Variants in TGFBR1 observed in about 807,000 individuals in gnomAD.
TGFBR1 encodes transforming growth factor beta receptor 1.
In TGFBR1, 20 loss-of-function variants were observed where a neutral mutation model predicts 55.1. The observed-to-expected ratio is 0.36, with a 90% CI of 0.26 to 0.53. The LOEUF (loss-of-function observed/expected upper bound fraction) is 0.53. Ranked by LOEUF, TGFBR1 falls within the 20% of genes least tolerant of loss-of-function variation. The pLI is 0.91. For missense variants in TGFBR1, 385 were observed against 617.6 expected (o/e 0.62, Z 3.99); for synonymous variants, 220 against 214.8 (o/e 1.02, Z -0.21).
chr9:99,103,845 T>G (rs916790064), upstream of TGFBR1, among the ~76,000 whole-genome samples: 4 of 152,176 alleles, frequency 2.6e-5, no homozygotes, highest in Non-Finnish European at 4.4e-5. Context: ...CCTTCACAGG[T>G]GGGGAAAATG....
rs1489913293 is a variant in TGFBR1, at chr9:99,124,844, T to A, written c.98-4011T>A. 2.0e-5 allele frequency among the ~76,000 whole-genome samples: 3 copies of A among 152,140 alleles called. No homozygotes were observed. In the East Asian group the frequency reaches 5.8e-4, roughly 29 times the overall value. The stretch of plus-strand genomic sequence containing the variant: ...TTAAGAAAAACCCTTTAGTACTGAC[T>A]TTTTCAAATTTACCGTAATGTAATG... On this transcript the variant is annotated intron_variant, in intron 1 of 8. Transcript: ENST00000374994.
upstream of TGFBR1, among the ~76,000 whole-genome samples, chr9:99,104,554 T>A (rs979988988): frequency 2.0e-5 from 3 of 152,012 alleles, no homozygotes; most frequent in African/African-American, 4.8e-5. Flanking sequence ...AGGAGGGATC[T>A]TCGGGGGAAT....
rs334348 is a variant in TGFBR1 at position 99,150,189 on chromosome 9, A to G, written c.*884A>G. On this transcript the variant is annotated 3_prime_UTR_variant, in exon 9 of 9. Coordinates refer to ENST00000374994, the MANE Select transcript of TGFBR1 (RefSeq NM_004612.4). Reference sequence around the variant, plus strand: ...ATGAAGTGGCATTAATTAGTAAATTATTAGCATGGTCATGTTTGAATATTC... The same window carrying G: ...ATGAAGTGGCATTAATTAGTAAATTGTTAGCATGGTCATGTTTGAATATTC... The G allele has an allele frequency of 0.29, 55,299 of 189,906 alleles. 8,573 individuals are homozygous for G. Among genetic ancestry groups the G allele is most frequent in the East Asian group, 0.51 (6,069 of 11,848 alleles). The allele number at this position is 189,906 out of a possible 1,614,324, so 11.8% of individuals were successfully genotyped here.
intron 1 of TGFBR1, among the ~76,000 whole-genome samples, chr9:99,115,187 C>T (rs138886115): frequency 6.6e-6 from 1 of 152,044 alleles, no homozygotes; most frequent in African/African-American, 2.4e-5. Context: ...TAAGGATTCA[C>T]TTTTCCTTTT....
At chr9:99,149,080 G>T in intron 8 of TGFBR1, 100 bp from the exon 9 acceptor site, 1 of 1,220,770 alleles carries the variant, frequency 8.2e-7, no homozygotes, top group South Asian at 1.3e-5. Context: ...AATAACAAGT[G>T]TATATGTCAT....
chr9:99,109,843 A>G (rs1003643077), intron 1 of TGFBR1, among the ~76,000 whole-genome samples: 2 of 152,228 alleles, frequency 1.3e-5, no homozygotes, highest in Non-Finnish European at 2.9e-5. Context: ...GCTTTGTCCC[A>G]TAGAACTAGC....
rs201142879 is a variant in TGFBR1, at chr9:99,149,775, A to G, written c.*470A>G. On this transcript the variant is annotated 3_prime_UTR_variant, in exon 9 of 9. Coordinates refer to ENST00000374994, the MANE Select transcript of TGFBR1 (RefSeq NM_004612.4). ...ATTCAGACTTTGAATGTACTGTTCT[A>G]TAGTTTTTCAGGATCTTAAAACTAA... 2.1e-5 allele frequency: 5 copies of G among 234,958 alleles called. No individual in the cohort carries two copies. Among genetic ancestry groups the G allele is most frequent in the South Asian group, 2.8e-4 (2 of 7,154 alleles). 14.6% of individuals were successfully genotyped at this position (234,958 alleles called of 1,614,324 possible).
intron 1 of TGFBR1, among the ~76,000 whole-genome samples, chr9:99,114,442 C>CT (rs1826674264): frequency 6.6e-6 from 1 of 152,178 alleles, no homozygotes; most frequent in Non-Finnish European, 1.5e-5. Flanking sequence ...GCCCCAAATG[C>CT]CAAGATTGTC....
intron 1 of TGFBR1, among the ~76,000 whole-genome samples, chr9:99,119,347 G>A (rs1486228630): frequency 1.3e-5 from 2 of 151,990 alleles, no homozygotes; most frequent in African/African-American, 2.4e-5. Context: ...TTTCATTTAC[G>A]TTCATTATTA....
rs200238696 is a variant in TGFBR1 at position 99,152,151 on chromosome 9, A to G, written c.*2846A>G. 11 of 206,970 alleles carry G rather than the reference A, an allele frequency of 5.3e-5. No homozygotes were observed. In the Admixed American group the frequency reaches 5.3e-4, roughly 10 times the overall value. The allele number at this position is 206,970 out of a possible 1,614,324, so 12.8% of individuals were successfully genotyped here. A position where few individuals can be genotyped will look rare whatever the true frequency, so the allele number is the denominator to read the frequency against. On this transcript the variant is annotated 3_prime_UTR_variant, in exon 9 of 9. Transcript: ENST00000374994. ...TGACTGAAGGCTGCTCTGGAGACCT[A>G]GAGTAAAACGGCTGATGGAAGTTGT...
intron 1 of TGFBR1, among the ~76,000 whole-genome samples, chr9:99,111,068 C>A (rs1826553765): frequency 6.6e-6 from 1 of 152,202 alleles, no homozygotes; most frequent in African/African-American, 2.4e-5. Context: ...GCAGGCCATT[C>A]AGATACTAAC....
At chr9:99,128,792 A>G in intron 1 of TGFBR1, 63 bp from the exon 2 acceptor site, 1 of 1,587,662 alleles carries the variant, frequency 6.3e-7, no homozygotes, top group Non-Finnish European at 8.6e-7. Context: ...ATTAGAGTGA[A>G]TATTGGATAA....
intron 1 of TGFBR1, among the ~76,000 whole-genome samples, chr9:99,126,885 G>GT (rs1482435340): frequency 2.0e-5 from 3 of 152,148 alleles, no homozygotes; most frequent in Admixed American, 2.0e-4. Context: ...TAAAGAAAGC[G>GT]TTTTTAATAA....
At chr9:99,138,378 TTG>T (rs1827506193) in intron 4 of TGFBR1, among the ~76,000 whole-genome samples, 1 of 152,270 alleles carries the variant, frequency 6.6e-6, no homozygotes, top group South Asian at 2.1e-4. Context: ...CAGTTAGTTA[TTG>T]AGAGTACTCA....
intron 7 of TGFBR1, among the ~76,000 whole-genome samples, chr9:99,146,822 G>A (rs928364563): frequency 1.3e-5 from 2 of 152,182 alleles, no homozygotes; most frequent in African/African-American, 4.8e-5. Flanking sequence ...TTCTCTTCCT[G>A]TTTCCATTTG....
At chr9:99,137,185 C>T (rs1827463463) in intron 3 of TGFBR1, among the ~76,000 whole-genome samples, 1 of 152,178 alleles carries the variant, frequency 6.6e-6, no homozygotes, top group Non-Finnish European at 1.5e-5. Context: ...CAGTTGTCAG[C>T]AAGTAAATTG....
intron 1 of TGFBR1, among the ~76,000 whole-genome samples, chr9:99,106,433 A>G (rs920500979): frequency 6.6e-6 from 1 of 152,236 alleles, no homozygotes; most frequent in Non-Finnish European, 1.5e-5. Context: ...AAGATGTTGA[A>G]ATTTTTTTAA....
chr9:99,147,908 C>A, intron 8 of TGFBR1, 124 bp downstream of exon 8: 1 of 1,156,454 alleles, frequency 8.6e-7, no homozygotes, highest in Non-Finnish European at 1.3e-6. Context: ...GCAGTCAAAC[C>A]AATGTTTAAA....
chr9:99,116,681 C>G (rs988771666), intron 1 of TGFBR1, among the ~76,000 whole-genome samples: 5 of 152,312 alleles, frequency 3.3e-5, no homozygotes, highest in African/African-American at 7.2e-5. Context: ...CAACCCCCCA[C>G]TTTCTTCAGT....
Sources: allele counts gnomAD v4.1 joint callset (sites outside exome capture counted in the v4.1 genomes callset), GRCh38; gene constraint gnomAD v4.1.1; transcripts MANE v1.5; gene names NCBI Gene and HGNC (gene_info 2026-07-23, HGNC 2026-07-21).